The following ADCY1 variants were observed in gnomAD, a reference collection of about 807,000 sequenced individuals.
ADCY1 encodes the protein adenylate cyclase 1.
A neutral mutation model predicts 105.4 loss-of-function variants in ADCY1; 28 were observed. The ratio of observed to expected loss-of-function variants is 0.27; its 90% CI spans 0.20 to 0.36. The LOEUF is 0.36. ADCY1 is among the 10% of genes least tolerant of loss of function. The probability of loss-of-function intolerance (pLI) is 1.00; values close to 1 mark genes in which losing one functional copy is unlikely to be tolerated. For missense variants in ADCY1, 977 were observed against 1,434.2 expected (o/e 0.68, Z 5.15); for synonymous variants, 655 against 623.8 (o/e 1.05, Z -0.75).
intron 4 of ADCY1, among the ~76,000 whole-genome samples, chr7:45,646,421 G>C (rs1203221887): frequency 6.6e-6 from 1 of 152,180 alleles, no homozygotes; most frequent in East Asian, 1.9e-4. Flanking sequence ...CCTCTTGGCT[G>C]TACCTTCCCT....
chr7:45,592,134 A>G (rs1412847998), intron 1 of ADCY1, among the ~76,000 whole-genome samples: 9 of 150,802 alleles, frequency 6.0e-5, no homozygotes, highest in Non-Finnish European at 1.2e-4. Context: ...GCCACTCTAC[A>G]CATATGTATT....
chr7:45,631,797 T>G (rs1794266623), intron 4 of ADCY1, among the ~76,000 whole-genome samples: 2 of 152,234 alleles, frequency 1.3e-5, no homozygotes, highest in Non-Finnish European at 2.9e-5. Flanking sequence ...GCCAGCTATC[T>G]AAGCCAAGCC....
At chr7:45,606,901 T>A (rs900435679) in intron 2 of ADCY1, among the ~76,000 whole-genome samples, 8 of 152,242 alleles carry the variant, frequency 5.3e-5, no homozygotes, top group African/African-American at 1.9e-4. Context: ...TGACATATGA[T>A]CTGTTCTTGA....
chr7:45,700,056 T>C (rs1442913621), intron 14 of ADCY1, among the ~76,000 whole-genome samples: 2 of 152,176 alleles, frequency 1.3e-5, no homozygotes, highest in Non-Finnish European at 2.9e-5. Context: ...TAGGGACTTC[T>C]ACCCCAGAGC....
chr7:45,625,530 G>T (rs1794030400), intron 4 of ADCY1, among the ~76,000 whole-genome samples: 1 of 152,072 alleles, frequency 6.6e-6, no homozygotes, highest in African/African-American at 2.4e-5. Context: ...TGCATGTGTG[G>T]GAATGTACAT....
chr7:45,580,853 G>T (rs1043408351), intron 1 of ADCY1, among the ~76,000 whole-genome samples: 1 of 152,220 alleles, frequency 6.6e-6, no homozygotes, highest in African/African-American at 2.4e-5. Context: ...GGTCAGTGGT[G>T]TCCGCTTGCC....
Position 45,596,623 on chromosome 7 carries a change from C to T in ADCY1, c.789+3715C>T, listed in dbSNP as rs1049144993. Among the ~76,000 whole-genome samples, 12 of 152,228 alleles carry T rather than the reference C, an allele frequency of 7.9e-5. No homozygotes were observed. The East Asian group carries it at 9.7e-4, about 12-fold the overall frequency. Reference sequence around the variant, plus strand: ...TCACTGGTAGGAGGCGGTGGAATGCCGGGCACGTCCAGAGGGACCAGAAGA... The same window carrying T: ...TCACTGGTAGGAGGCGGTGGAATGCTGGGCACGTCCAGAGGGACCAGAAGA... On this transcript the variant is annotated intron_variant, in intron 2 of 19. Transcript: ENST00000297323.
At chr7:45,657,016 G>A (rs544930385) in intron 5 of ADCY1, among the ~76,000 whole-genome samples, 1 of 152,232 alleles carries the variant, frequency 6.6e-6, no homozygotes, top group Non-Finnish European at 1.5e-5. Flanking sequence ...ATTCGGCCAG[G>A]CTGGCCTGGG....
At chr7:45,627,977 A>G (rs1211819767) in intron 4 of ADCY1, among the ~76,000 whole-genome samples, 1 of 152,162 alleles carries the variant, frequency 6.6e-6, no homozygotes, top group Non-Finnish European at 1.5e-5. Context: ...TCGCATATGC[A>G]CAGCCATGGC....
At chr7:45,576,523 T>G in intron 1 of ADCY1, among the ~76,000 whole-genome samples, 1 of 150,186 alleles carries the variant, frequency 6.7e-6, no homozygotes, top group Admixed American at 6.6e-5. Flanking sequence ...GGAAGAGAGG[T>G]AGAGGTGAAG....
intron 10 of ADCY1, among the ~76,000 whole-genome samples, chr7:45,678,888 A>AT (rs1784509802): frequency 9.5e-6 from 1 of 105,232 alleles, no homozygotes; most frequent in African/African-American, 2.5e-5. Context: ...TTTGTCTCTA[A>AT]AAATAATAAT....
At chr7:45,611,499 T>C (rs73318964) in intron 3 of ADCY1, among the ~76,000 whole-genome samples, 1,966 of 152,232 alleles carry the variant, frequency 0.013, 29 homozygotes, top group African/African-American at 0.033. Flanking sequence ...TTGCTGGGTC[T>C]GGTATATGTG....
chr7:45,705,894 T>G (rs1562733071), intron 17 of ADCY1, among the ~76,000 whole-genome samples: 1 of 152,204 alleles, frequency 6.6e-6, no homozygotes, highest in African/African-American at 2.4e-5. Context: ...AAGCTCATCA[T>G]TTTTCTGTAT....
intron 7 of ADCY1, among the ~76,000 whole-genome samples, chr7:45,660,464 T>C (rs1795064273): frequency 6.6e-6 from 1 of 152,212 alleles, no homozygotes; most frequent in Admixed American, 6.5e-5. Context: ...GGGCCTTCAC[T>C]GCCTCCCCTG....
chr7:45,723,012 A>G lies in ADCY1; in HGVS notation c.*9017A>G, dbSNP rs1785505695. ...AAAAGTGAATGGACTGAAATGTTAA[A>G]TGTGAATGTACATTTCTTAATTGCA... is the stretch of plus-strand genomic sequence containing the variant. On this transcript the variant is annotated 3_prime_UTR_variant, in exon 20 of 20. Transcript: ENST00000297323. 2 of 152,652 alleles carry G rather than the reference A, an allele frequency of 1.3e-5. No individual in the cohort carries two copies. Among genetic ancestry groups the G allele is most frequent in the South Asian group, 4.1e-4 (2 of 4,830 alleles). 9.5% of individuals were successfully genotyped at this position (152,652 alleles called of 1,614,324 possible). A position where few individuals can be genotyped will look rare whatever the true frequency, so the allele number is the denominator to read the frequency against.
rs543145117 is a variant in ADCY1 at position 45,683,050 on chromosome 7, T to C, written c.1984-1929T>C. ...TCCCGAAGTGCCACAATGGCCACTTTGTTCATGAGCCCATTGGGATGACAG... is the reference window on the plus strand; with the variant it reads ...TCCCGAAGTGCCACAATGGCCACTTCGTTCATGAGCCCATTGGGATGACAG... On this transcript the variant is annotated intron_variant, in intron 11 of 19. Coordinates refer to ENST00000297323, the MANE Select transcript of ADCY1 (RefSeq NM_021116.4). Among the ~76,000 whole-genome samples, 20 of 152,270 alleles carry C rather than the reference T, an allele frequency of 1.3e-4. No homozygotes were observed. In the South Asian group the frequency reaches 4.1e-3, roughly 32 times the overall value.
chr7:45,657,580 T>C (rs1465985149), intron 5 of ADCY1, 147 bp from the exon 6 acceptor site: 1 of 855,188 alleles, frequency 1.2e-6, no homozygotes, highest in Non-Finnish European at 1.8e-6. Flanking sequence ...CCACTGACTA[T>C]GCCAGGAGAC....
intron 2 of ADCY1, among the ~76,000 whole-genome samples, chr7:45,602,889 T>C (rs1216232247): frequency 6.6e-6 from 1 of 152,204 alleles, no homozygotes; most frequent in Non-Finnish European, 1.5e-5. Flanking sequence ...TATACAATAA[T>C]CTAAATTTAG....
intron 8 of ADCY1, chr7:45,664,472 C>T: frequency 6.6e-7 from 1 of 1,510,500 alleles, no homozygotes; most frequent in Non-Finnish European, 8.8e-7. Flanking sequence ...CAGCTCTGTT[C>T]TTCTCTCAGC....
Sources: gnomAD v4.1 joint callset for allele counts (sites outside exome capture counted in the v4.1 genomes callset) on GRCh38, gnomAD v4.1.1 for gene constraint, MANE v1.5 for transcripts, NCBI Gene and HGNC (gene_info 2026-07-23, HGNC 2026-07-21) for gene names.